The following NCK2 variants were observed in gnomAD, a reference collection of about 807,000 sequenced individuals.
The protein encoded by NCK2 is cytoplasmic protein NCK2.
Under a neutral mutation model 33.9 loss-of-function variants are expected in NCK2, and 16 were observed. The ratio of observed to expected loss-of-function variants is 0.47; its 90% CI spans 0.32 to 0.72. The LOEUF is 0.72. Among genes scored for constraint, NCK2 ranks in the 30% least tolerant of loss-of-function variants. The pLI is 0.03. For synonymous variants in NCK2, 273 were observed against 239.9 expected, an observed-to-expected ratio of 1.14 and a Z score of -1.27; for missense variants, 418 against 537.3, an observed-to-expected ratio of 0.78 and a Z score of 2.19.
At chr2:105,855,876 C>A (rs1394053360) in intron 3 of NCK2, 1 of 142,530 alleles carries the variant, frequency 7.0e-6, no homozygotes, top group Non-Finnish European at 1.5e-5. Context: ...ACACTCTTGC[C>A]CAGGCTGGAG....
chr2:105,800,243 G>A (rs1017375777), intron 1 of NCK2, among the ~76,000 whole-genome samples: 1 of 152,182 alleles, frequency 6.6e-6, no homozygotes, highest in Non-Finnish European at 1.5e-5. Context: ...CCCAGGCTCC[G>A]GTTCCAACTG....
chr2:105,853,694 A>G (rs1428839912), intron 2 of NCK2, among the ~76,000 whole-genome samples: 3 of 152,242 alleles, frequency 2.0e-5, no homozygotes, highest in Non-Finnish European at 4.4e-5. Flanking sequence ...CTACTACAGT[A>G]GGGTTTTGCA....
chr2:105,888,146 C>T lies in NCK2; in HGVS notation c.949-4836C>T, dbSNP rs565668945. ...GAGGCCCCGAGAGAGGTTGGTTTTCCGCCAACCTATTAATTGTCCTTAGAT... is the reference window on the plus strand; with the variant it reads ...GAGGCCCCGAGAGAGGTTGGTTTTCTGCCAACCTATTAATTGTCCTTAGAT... On this transcript the variant is annotated intron_variant, in intron 4 of 4. Transcript: ENST00000233154. Among the ~76,000 whole-genome samples, 11 of 152,180 alleles carry T rather than the reference C, an allele frequency of 7.2e-5. No individual in the cohort carries two copies. In the East Asian group the frequency reaches 7.7e-4, roughly 11 times the overall value.
At chr2:105,763,102 T>A (rs12479197) in intron 1 of NCK2, among the ~76,000 whole-genome samples, 48,164 of 151,842 alleles carry the variant, frequency 0.32, 8,633 homozygotes, top group East Asian at 0.46. Flanking sequence ...GGAGGCTGAG[T>A]CAGGAGAATT....
At chr2:105,835,280 A>G (rs1327993418) in intron 2 of NCK2, among the ~76,000 whole-genome samples, 4 of 147,866 alleles carry the variant, frequency 2.7e-5, no homozygotes, top group Non-Finnish European at 4.5e-5. Context: ...AATTCCTCCA[A>G]TTTTTGCTTG....
At chr2:105,840,531 C>T (rs2082184) in intron 2 of NCK2, among the ~76,000 whole-genome samples, 142,076 of 152,284 alleles carry the variant, frequency 0.93, 66,361 homozygotes, top group East Asian at 0.98. Flanking sequence ...TTTAATTCAG[C>T]TCTGACACTG....
intron 4 of NCK2, among the ~76,000 whole-genome samples, chr2:105,892,213 A>G (rs1679018232): frequency 6.6e-6 from 1 of 152,124 alleles, no homozygotes; most frequent in African/African-American, 2.4e-5. Flanking sequence ...AAAAATTTTG[A>G]TGTCTTAATT....
chr2:105,750,793 T>A (rs1173195007), intron 1 of NCK2, among the ~76,000 whole-genome samples: 1 of 152,212 alleles, frequency 6.6e-6, no homozygotes, highest in African/African-American at 2.4e-5. Flanking sequence ...TGATAAAATA[T>A]CAGTGATATG....
intron 1 of NCK2, among the ~76,000 whole-genome samples, chr2:105,764,266 C>T (rs1689861504): frequency 6.6e-6 from 1 of 152,254 alleles, no homozygotes; most frequent in Non-Finnish European, 1.5e-5. Context: ...AGCACCTTTG[C>T]ATCCGCACCC....
chr2:105,818,432 AAT>A (rs1009429130), intron 2 of NCK2, among the ~76,000 whole-genome samples: 4 of 151,542 alleles, frequency 2.6e-5, no homozygotes, highest in South Asian at 2.1e-4. Flanking sequence ...GTGTAATAAA[AAT>A]ATATATATAT....
intron 4 of NCK2, among the ~76,000 whole-genome samples, chr2:105,891,262 GTTTGT>G (rs1164011418): frequency 2.0e-5 from 3 of 151,016 alleles, no homozygotes; most frequent in Non-Finnish European, 4.4e-5. Context: ...TCTTTTTTTT[GTTTGT>G]TTTCTTTTTT....
At chr2:105,846,487 AAAT>A (rs1676858736) in intron 2 of NCK2, 1 of 151,478 alleles carries the variant, frequency 6.6e-6, no homozygotes, top group Non-Finnish European at 1.5e-5. Context: ...GAAAAAAAAA[AAAT>A]AATAGGAGGG....
At chr2:105,854,138 A>G (rs1485786390) in intron 2 of NCK2, 3 of 152,238 alleles carry the variant, frequency 2.0e-5, no homozygotes, top group Non-Finnish European at 4.4e-5. Flanking sequence ...TCTTTCACCT[A>G]GCAATATGCG....
chr2:105,822,291 T>TGCTCACAGGGAATGAGTGGGAAATGCAG (rs1558854903), intron 2 of NCK2, among the ~76,000 whole-genome samples: 1 of 152,024 alleles, frequency 6.6e-6, no homozygotes, highest in African/African-American at 2.4e-5. Flanking sequence ...AGCACCAGGA[T>TGCTCACAGGGAATGAGTGGGAAATGCAG]CAGCTTAACA....
At chr2:105,867,574 G>T (rs1046985670) in intron 3 of NCK2, among the ~76,000 whole-genome samples, 4 of 152,212 alleles carry the variant, frequency 2.6e-5, no homozygotes, top group African/African-American at 9.7e-5. Context: ...GGAGGACAAG[G>T]CAGGAGAGAC....
intron 3 of NCK2, among the ~76,000 whole-genome samples, chr2:105,868,426 C>T (rs762957590): frequency 3.9e-5 from 6 of 152,040 alleles, no homozygotes; most frequent in African/African-American, 1.2e-4. Context: ...GGAAGCAGGC[C>T]GTGCTGAGGC....
At chr2:105,797,731 G>A (rs1333671809) in intron 1 of NCK2, among the ~76,000 whole-genome samples, 1 of 152,186 alleles carries the variant, frequency 6.6e-6, no homozygotes, top group African/African-American at 2.4e-5. Context: ...TCGTAACCAT[G>A]ATCAGTTAAA....
intron 3 of NCK2, among the ~76,000 whole-genome samples, chr2:105,869,670 AGTG>A (rs1211485136): frequency 6.6e-6 from 1 of 152,202 alleles, no homozygotes; most frequent in African/African-American, 2.4e-5. Flanking sequence ...AACTTTTGCC[AGTG>A]GATTGACACT....
At chr2:105,823,132 C>CTGTGTGTGTGTGTGTG (rs10610689) in intron 2 of NCK2, among the ~76,000 whole-genome samples, 2 of 148,530 alleles carry the variant, frequency 1.3e-5, no homozygotes, top group African/African-American at 2.5e-5. Flanking sequence ...TCCTCTCATG[C>CTGTGTGTGTGTGTGTG]TGTGTGTGTG....
Sources: allele counts gnomAD v4.1 joint callset (sites outside exome capture counted in the v4.1 genomes callset), GRCh38; gene constraint gnomAD v4.1.1; transcripts MANE v1.5; gene names NCBI Gene and HGNC (gene_info 2026-07-23, HGNC 2026-07-21).